The following STON2 variants were observed in gnomAD, a reference collection of about 807,000 sequenced individuals.
STON2 encodes stonin-2.
In STON2, 29 loss-of-function variants were observed where a neutral mutation model predicts 65.7. The observed-to-expected ratio is 0.44, with a 90% CI of 0.33 to 0.60. STON2 has a LOEUF of 0.60. Ranked by LOEUF, STON2 falls within the 20% of genes least tolerant of loss-of-function variation. STON2 has a pLI of 0.03. For synonymous variants in STON2, 404 were observed against 414.2 expected, an observed-to-expected ratio of 0.98 and a Z score of 0.30; for missense variants, 1,054 against 1,118.1, an observed-to-expected ratio of 0.94 and a Z score of 0.82.
At chr14:81,293,176 CTTT>C (rs537387012) in intron 5 of STON2, among the ~76,000 whole-genome samples, 3 of 138,934 alleles carry the variant, frequency 2.2e-5, no homozygotes, top group African/African-American at 5.3e-5. Flanking sequence ...TGACTTGTGT[CTTT>C]TTTTTTTTTT....
At chr14:81,374,767 AAT>A (rs1444810553) in intron 3 of STON2, among the ~76,000 whole-genome samples, 4 of 152,208 alleles carry the variant, frequency 2.6e-5, no homozygotes, top group African/African-American at 9.6e-5. Flanking sequence ...ATAGATATCT[AAT>A]ATGAGTTCCT....
chr14:81,321,927 AGT>A (rs1375420869), intron 5 of STON2, among the ~76,000 whole-genome samples: 3 of 152,168 alleles, frequency 2.0e-5, no homozygotes, highest in Non-Finnish European at 4.4e-5. Flanking sequence ...GTCAAATGAA[AGT>A]TGCCAGGTGG....
At chr14:81,321,572 T>C (rs1260620561) in intron 5 of STON2, among the ~76,000 whole-genome samples, 1 of 152,036 alleles carries the variant, frequency 6.6e-6, no homozygotes. Flanking sequence ...ATCAGCTTGG[T>C]AGGATCACTG....
At position 81,270,874 on chromosome 14, in the gene STON2, T is replaced by G; in HGVS notation, c.2582-2A>C. ...AGAAACAGTGTGGGTGACCGGAAGC[T>G]ATGAAAGAAAGACAATCGAGAGATC... On this transcript the variant is annotated splice_acceptor_variant, in intron 6 of 7. Coordinates refer to ENST00000614646, the MANE Select transcript of STON2 (RefSeq NM_001394390.1). LOFTEE classifies it high-confidence loss of function. 1.2e-6 allele frequency: 2 copies of G among 1,612,130 alleles called. No individual in the cohort carries two copies. Among genetic ancestry groups the G allele is most frequent in the Non-Finnish European group, 1.7e-6 (2 of 1,179,720 alleles).
intron 4 of STON2, among the ~76,000 whole-genome samples, chr14:81,333,817 T>C (rs1897286877): frequency 6.6e-6 from 1 of 152,212 alleles, no homozygotes; most frequent in South Asian, 2.1e-4. Flanking sequence ...ATATTTTTCA[T>C]TTTTGTCAGG....
At chr14:81,328,637 C>A (rs1232844492) in intron 4 of STON2, among the ~76,000 whole-genome samples, 4 of 152,154 alleles carry the variant, frequency 2.6e-5, no homozygotes, top group African/African-American at 9.7e-5. Context: ...AAATCTCATA[C>A]TGAAATTGGA....
chr14:81,328,330 T>C (rs1158275059), intron 4 of STON2, among the ~76,000 whole-genome samples: 1 of 152,158 alleles, frequency 6.6e-6, no homozygotes, highest in East Asian at 1.9e-4. Context: ...TGGGCTTACA[T>C]TTAATTGGCT....
At chr14:81,315,695 G>C (rs929658748) in intron 5 of STON2, among the ~76,000 whole-genome samples, 4 of 152,216 alleles carry the variant, frequency 2.6e-5, no homozygotes, top group Admixed American at 2.6e-4. Context: ...CTTATGAGCT[G>C]GGTGCTGTAG....
chr14:81,396,231 C>A, intron 2 of STON2, 53 bp from the exon 3 acceptor site: 1 of 1,534,446 alleles, frequency 6.5e-7, no homozygotes, highest in Non-Finnish European at 8.8e-7. Flanking sequence ...CTCTTCAGAG[C>A]CATCTCATGG....
intron 4 of STON2, among the ~76,000 whole-genome samples, chr14:81,345,618 G>A (rs966699591): frequency 1.3e-5 from 2 of 152,074 alleles, no homozygotes; most frequent in Non-Finnish European, 2.9e-5. Context: ...AAAATTAGCC[G>A]AGCATGGTGG....
intron 4 of STON2, among the ~76,000 whole-genome samples, chr14:81,338,394 C>T: frequency 6.6e-6 from 1 of 152,192 alleles, no homozygotes; most frequent in Non-Finnish European, 1.5e-5. Flanking sequence ...TAGGTGGACA[C>T]ATGTGAGTGT....
intron 2 of STON2, among the ~76,000 whole-genome samples, chr14:81,419,298 G>T (rs917513640): frequency 6.6e-6 from 1 of 152,130 alleles, no homozygotes; most frequent in Admixed American, 6.5e-5. Context: ...GCTTGGACTG[G>T]CCAACTTTCT....
chr14:81,290,673 T>C (rs1005980607), intron 5 of STON2, among the ~76,000 whole-genome samples: 1 of 152,146 alleles, frequency 6.6e-6, no homozygotes, highest in Non-Finnish European at 1.5e-5. Flanking sequence ...TTCATCTGTA[T>C]TACCCAAAAC....
intron 5 of STON2, among the ~76,000 whole-genome samples, chr14:81,309,389 CTATTA>C (rs1896335319): frequency 6.6e-6 from 1 of 152,140 alleles, no homozygotes. Context: ...TGAACAATAT[CTATTA>C]TATCTTGAAT....
At chr14:81,413,001 C>A in intron 2 of STON2, 1 of 1,092,306 alleles carries the variant, frequency 9.2e-7, no homozygotes. Flanking sequence ...ATCAAAAATG[C>A]GGACATGTCG....
chr14:81,395,774 C>T (rs1900283059), intron 3 of STON2, 120 bp downstream of exon 3: 5 of 1,006,320 alleles, frequency 5.0e-6, no homozygotes, highest in Non-Finnish European at 6.0e-6. Context: ...CTCCCCTATG[C>T]GACCAGTGCT....
At chr14:81,421,017 G>A (rs914682745) in intron 2 of STON2, among the ~76,000 whole-genome samples, 2 of 152,288 alleles carry the variant, frequency 1.3e-5, no homozygotes, top group South Asian at 2.1e-4. Flanking sequence ...AAGGGAGGAC[G>A]AGAGGCTCAG....
At chr14:81,411,788 C>T (rs1352510879) in intron 2 of STON2, among the ~76,000 whole-genome samples, 2 of 152,064 alleles carry the variant, frequency 1.3e-5, no homozygotes, top group Admixed American at 6.5e-5. Context: ...CTTCAAGGGG[C>T]TTACATCATG....
In STON2 at chr14:81,278,281, T is replaced by C; in HGVS notation, c.1201A>G (p.Asn401Asp). The C allele has an allele frequency of 6.2e-7, 1 of 1,614,114 alleles. No homozygotes were observed. Among genetic ancestry groups the C allele is most frequent in the Non-Finnish European group, 8.5e-7 (1 of 1,180,018 alleles). ...CCCGTGGTACTGGAAATGGAACTGT[T>C]TTGGGAGCGCCTCTCCTGCTCCTCA... ...FFEEQERRSQ[N>D]SSISSTTGKS... Residue 401 changes from asparagine to aspartate, a missense_variant, in exon 6 of 8, where the codon AAC becomes GAC. Asn to Asp is a conservative substitution (Grantham distance 23). Transcript: ENST00000614646.
Sources: allele counts gnomAD v4.1 joint callset (sites outside exome capture counted in the v4.1 genomes callset), GRCh38; gene constraint gnomAD v4.1.1; transcripts MANE v1.5; gene names NCBI Gene and HGNC (gene_info 2026-07-23, HGNC 2026-07-21).